The following TMEM132D variants were observed in gnomAD, a reference collection of about 807,000 sequenced individuals.
The protein encoded by TMEM132D is mature OL transmembrane protein.
Under a neutral mutation model 62.3 loss-of-function variants are expected in TMEM132D, and 21 were observed. That is an observed-to-expected ratio of 0.34 (90% CI 0.24 to 0.49). The LOEUF (loss-of-function observed/expected upper bound fraction) is 0.49. TMEM132D is among the 20% of genes least tolerant of loss of function. TMEM132D has a pLI of 0.99. For missense variants in TMEM132D, 1,346 were observed against 1,402.8 expected, an observed-to-expected ratio of 0.96 and a Z score of 0.65; for synonymous variants, 621 against 575.6, an observed-to-expected ratio of 1.08 and a Z score of -1.13.
chr12:129,548,980 T>C (rs866741042), intron 2 of TMEM132D, among the ~76,000 whole-genome samples: 2 of 152,230 alleles, frequency 1.3e-5, no homozygotes, highest in African/African-American at 4.8e-5. Context: ...ACATCACTCG[T>C]TGGGTGAGGT....
intron 1 of TMEM132D, among the ~76,000 whole-genome samples, chr12:129,762,387 A>G (rs1348817940): frequency 6.6e-6 from 1 of 151,982 alleles, no homozygotes; most frequent in Non-Finnish European, 1.5e-5. Context: ...TTCCAAAAAG[A>G]TTTGTTTTTT....
intron 1 of TMEM132D, among the ~76,000 whole-genome samples, chr12:129,716,992 G>A (rs1868603831): frequency 2.6e-5 from 4 of 152,234 alleles, no homozygotes; most frequent in Admixed American, 2.6e-4. Flanking sequence ...TGCCAGGCCT[G>A]TGGCTAACAT....
chr12:129,425,538 G>A (rs61943087), intron 3 of TMEM132D, among the ~76,000 whole-genome samples: 3,083 of 151,906 alleles, frequency 0.02, 111 homozygotes, highest in African/African-American at 0.072. Flanking sequence ...CAATAAACAC[G>A]CATATGACTA....
In TMEM132D at chr12:129,526,448, C is replaced by G. The variant is rs144636890; in HGVS notation, c.1115+4611G>C. 2.4e-4 allele frequency among the ~76,000 whole-genome samples: 37 copies of G among 152,186 alleles called. 1 individual carries two copies. The East Asian group carries it at 7.2e-3, about 30-fold the overall frequency. On this transcript the variant is annotated intron_variant, in intron 3 of 8. Coordinates refer to ENST00000422113, the MANE Select transcript of TMEM132D (RefSeq NM_133448.3). Reference sequence around the variant, plus strand: ...TACAGGCATGCACCACCATGCCCAGCTAATTTTTGTATTTTTAGTAGAGAC... The same window carrying G: ...TACAGGCATGCACCACCATGCCCAGGTAATTTTTGTATTTTTAGTAGAGAC...
chr12:129,865,833 G>A (rs1436000639), intron 1 of TMEM132D, among the ~76,000 whole-genome samples: 1 of 152,202 alleles, frequency 6.6e-6, no homozygotes, highest in Non-Finnish European at 1.5e-5. Flanking sequence ...GGGAACAGGG[G>A]TACAGTGAAG....
At chr12:129,889,757 G>C (rs1513197) in intron 1 of TMEM132D, among the ~76,000 whole-genome samples, 25,852 of 152,108 alleles carry the variant, frequency 0.17, 2,811 homozygotes, top group East Asian at 0.55. Flanking sequence ...TAGTCCAGAG[G>C]CCTTTGGGAT....
intron 5 of TMEM132D, among the ~76,000 whole-genome samples, chr12:129,204,769 G>C (rs1878797937): frequency 6.6e-6 from 1 of 152,176 alleles, no homozygotes; most frequent in African/African-American, 2.4e-5. Flanking sequence ...GTTAAGGGCA[G>C]CTAGAGAGAA....
chr12:129,774,396 G>A (rs895657315), intron 1 of TMEM132D, among the ~76,000 whole-genome samples: 3 of 152,122 alleles, frequency 2.0e-5, no homozygotes, highest in Admixed American at 6.6e-5. Context: ...CTGAACCTCT[G>A]TCTTGGTTTC....
rs749357494 is a variant in TMEM132D, at chr12:129,700,673, C to T, written c.105G>A (p.Glu35=). 1 of 1,612,354 alleles carries T rather than the reference C, an allele frequency of 6.2e-7. No individual in the cohort carries two copies. The highest frequency in any genetic ancestry group is 8.5e-7 in the Non-Finnish European group (1 of 1,179,264). The part of the protein sequence containing the change: ...SKVTEGRGIL[E]SIQRFSLLPT... The stretch of plus-strand genomic sequence containing the variant: ...GCAGCAAGGAAAACCTCTGGATGCT[C>T]TCAAGGATCCCTCGACCTTCCGTCA... The change falls in exon 2 of 9, where the codon GAG becomes GAA. Residue 35 remains glutamate, a synonymous_variant. Coordinates refer to ENST00000422113, the MANE Select transcript of TMEM132D (RefSeq NM_133448.3).
At chr12:129,256,886 G>C (rs1405179788) in intron 4 of TMEM132D, among the ~76,000 whole-genome samples, 1 of 152,126 alleles carries the variant, frequency 6.6e-6, no homozygotes, top group East Asian at 1.9e-4. Flanking sequence ...ATTCTCAACA[G>C]GAATTTTAGC....
intron 2 of TMEM132D, among the ~76,000 whole-genome samples, chr12:129,574,191 G>C (rs1384293505): frequency 2.0e-5 from 3 of 151,980 alleles, no homozygotes; most frequent in Admixed American, 2.0e-4. Flanking sequence ...TCAAAAGTAA[G>C]ATGGATTAAT....
chr12:129,669,468 G>T (rs2137198391), intron 2 of TMEM132D, among the ~76,000 whole-genome samples: 1 of 152,276 alleles, frequency 6.6e-6, no homozygotes, highest in Admixed American at 6.5e-5. Context: ...ACTCTGAGAG[G>T]CCGAGGTGGG....
At chr12:129,133,846 G>C (rs1222914395) in intron 5 of TMEM132D, among the ~76,000 whole-genome samples, 2 of 152,118 alleles carry the variant, frequency 1.3e-5, no homozygotes, top group Non-Finnish European at 2.9e-5. Context: ...TTATATCCTG[G>C]CTATTTTATG....
At chr12:129,368,577 CTTATTA>C (rs915182641) in intron 3 of TMEM132D, among the ~76,000 whole-genome samples, 2 of 151,990 alleles carry the variant, frequency 1.3e-5, no homozygotes, top group Non-Finnish European at 2.9e-5. Flanking sequence ...TGAACTGTTA[CTTATTA>C]TTATTATTTT....
At chr12:129,358,114 T>C (rs1870132173) in intron 3 of TMEM132D, among the ~76,000 whole-genome samples, 1 of 152,204 alleles carries the variant, frequency 6.6e-6, no homozygotes, top group Admixed American at 6.5e-5. Flanking sequence ...TCTTGTGTCC[T>C]CTATTTCTAT....
intron 4 of TMEM132D, among the ~76,000 whole-genome samples, chr12:129,232,401 C>A (rs192256538): frequency 6.6e-6 from 1 of 152,218 alleles, no homozygotes; most frequent in East Asian, 1.9e-4. Flanking sequence ...AATGATGGTG[C>A]CATAAAGTAA....
chr12:129,104,437 C>A (rs1031686245), intron 5 of TMEM132D, among the ~76,000 whole-genome samples: 5 of 152,184 alleles, frequency 3.3e-5, no homozygotes, highest in Admixed American at 6.5e-5. Context: ...ACCATAAAAA[C>A]CCTAGAAGAA....
At position 129,407,889 on chromosome 12, in the gene TMEM132D, CAA is replaced by C. The variant is rs34385881; in HGVS notation, c.1116-70074_1116-70073del. ...TGGGCAACAGAGCGAGACTCCGACT[CAA>C]AAAAAAAAAAAAAAGCTAATTTTAA... is the stretch of plus-strand genomic sequence containing the variant. On this transcript the variant is annotated intron_variant, in intron 3 of 8. Transcript: ENST00000422113. Among the ~76,000 whole-genome samples the C allele has an allele frequency of 1.1e-3, 109 of 95,892 alleles. 1 individual carries two copies. The highest frequency in any genetic ancestry group is 6.6e-3 in the Admixed American group (63 of 9,610). The allele number at this position is 95,892 out of a possible 152,430, so 62.9% of individuals were successfully genotyped here.
chr12:129,822,785 G>A (rs1048086098), intron 1 of TMEM132D, among the ~76,000 whole-genome samples: 2 of 152,170 alleles, frequency 1.3e-5, no homozygotes, highest in African/African-American at 4.8e-5. Flanking sequence ...ACCATGACGA[G>A]CATGGGGAAA....
Sources: allele counts gnomAD v4.1 joint callset (sites outside exome capture counted in the v4.1 genomes callset), GRCh38; gene constraint gnomAD v4.1.1; transcripts MANE v1.5; gene names NCBI Gene and HGNC (gene_info 2026-07-23, HGNC 2026-07-21).